The following FAM221A variants were observed in gnomAD, a reference collection of about 807,000 sequenced individuals.
FAM221A encodes the protein protein FAM221A.
In FAM221A, 43 loss-of-function variants were observed where a neutral mutation model predicts 37.6. That is an observed-to-expected ratio of 1.15 (90% CI 0.90 to 1.48). The LOEUF (loss-of-function observed/expected upper bound fraction) is 1.48, where lower values mean the gene tolerates loss of function less well. FAM221A is among the 40% of genes most tolerant of loss of function. The pLI is 0.00. For missense variants in FAM221A, 361 were observed against 361.5 expected, an observed-to-expected ratio of 1.00 and a Z score of 0.01; for synonymous variants, 135 against 132.9, an observed-to-expected ratio of 1.02 and a Z score of -0.11.
At chr7:23,693,634 C>T (rs1418120877) in intron 4 of FAM221A, 2 of 151,484 alleles carry the variant, frequency 1.3e-5, no homozygotes, top group African/African-American at 4.9e-5. Flanking sequence ...ACAGTCCTTT[C>T]CTATTTCAGT....
chr7:23,690,199 A>ATATATTTTTTT (rs774313037), intron 3 of FAM221A, among the ~76,000 whole-genome samples: 20 of 48,734 alleles, frequency 4.1e-4, no homozygotes, highest in African/African-American at 1.4e-3. Flanking sequence ...ATATATATAT[A>ATATATTTTTTT]TTTTTTTTTT....
chr7:23,691,265 G>A (rs1167180293), intron 3 of FAM221A, 125 bp from the exon 4 acceptor site: 2 of 773,164 alleles, frequency 2.6e-6, no homozygotes, highest in Non-Finnish European at 4.3e-6. Context: ...GGAGTTCGGT[G>A]GCTGGAGGTA....
chr7:23,700,733 A>C, intron 5 of FAM221A, 53 bp from the exon 6 acceptor site: 9 of 1,143,146 alleles, frequency 7.9e-6, no homozygotes, highest in Non-Finnish European at 9.9e-6. Context: ...CTTTTATTTC[A>C]GGGGAATATG....
rs775727807 is a variant in FAM221A, at chr7:23,690,929, A to G, written c.431-461A>G. ...AGCATGATGTTTTCATGATTCATCC[A>G]TGTAGCCTATATCAATACTTCTTTC... On this transcript the variant is annotated intron_variant, in intron 3 of 6. Coordinates refer to ENST00000344962, the MANE Select transcript of FAM221A (RefSeq NM_199136.5). Among the ~76,000 whole-genome samples, 156 of 152,308 alleles carry G rather than the reference A, an allele frequency of 1.0e-3. 1 individual carries two copies. The highest frequency in any genetic ancestry group is 5.8e-3 in the Admixed American group (89 of 15,294).
At chr7:23,692,596 C>T in intron 4 of FAM221A, 1 of 883,280 alleles carries the variant, frequency 1.1e-6, no homozygotes, top group Non-Finnish European at 1.4e-6. Flanking sequence ...CCTGCCTCAG[C>T]CTCCCAAAGT....
intron 6 of FAM221A, among the ~76,000 whole-genome samples, chr7:23,701,579 G>A (rs1785461181): frequency 6.6e-6 from 1 of 152,100 alleles, no homozygotes; most frequent in South Asian, 2.1e-4. Flanking sequence ...ATTCTTCTTA[G>A]AGGCTTTTAG....
At chr7:23,699,006 T>C (rs954335984) in intron 5 of FAM221A, among the ~76,000 whole-genome samples, 3 of 152,178 alleles carry the variant, frequency 2.0e-5, no homozygotes, top group African/African-American at 7.2e-5. Context: ...TGACTGAGTT[T>C]AGTGGCAGCC....
chr7:23,699,292 C>CTT (rs71552250), intron 5 of FAM221A, among the ~76,000 whole-genome samples: 5,610 of 150,090 alleles, frequency 0.037, 198 homozygotes, highest in African/African-American at 0.094. Context: ...ATTAAAAAAA[C>CTT]TTTTTTTTTG....
At chr7:23,698,929 C>T (rs1020723099) in intron 5 of FAM221A, among the ~76,000 whole-genome samples, 9 of 151,930 alleles carry the variant, frequency 5.9e-5, no homozygotes, top group African/African-American at 1.7e-4. Context: ...AAGTAAGAAG[C>T]CAAGAAAAGG....
At chr7:23,690,199 A>ATTTTTTTTTTTT (rs398004023) in intron 3 of FAM221A, among the ~76,000 whole-genome samples, 2 of 48,738 alleles carry the variant, frequency 4.1e-5, no homozygotes, top group Non-Finnish European at 7.2e-5. Flanking sequence ...ATATATATAT[A>ATTTTTTTTTTTT]TTTTTTTTTT....
intron 5 of FAM221A, among the ~76,000 whole-genome samples, 157 bp from the exon 6 acceptor site, chr7:23,700,629 A>G (rs1046806064): frequency 1.3e-5 from 2 of 152,220 alleles, no homozygotes; most frequent in African/African-American, 4.8e-5. Context: ...ATTCTCTCTA[A>G]AAGAGAATGA....
At position 23,691,447 on chromosome 7, in the gene FAM221A, A is replaced by T. The variant is rs753828449; in HGVS notation, c.488A>T (p.Tyr163Phe). Reference sequence around the variant, plus strand: ...ACTTGTGCTTGTGGTCAGCCTGCATATGCCCATGACACAGTAGTGGAAACT... The same window carrying T: ...ACTTGTGCTTGTGGTCAGCCTGCATTTGCCCATGACACAGTAGTGGAAACT... ...CFTCACGQPA[Y>F]AHDTVVETKQ... Residue 163 changes from tyrosine to phenylalanine, a missense_variant, in exon 4 of 7, where the codon TAT (tyrosine) becomes TTT (phenylalanine). Physicochemically the swap from Tyr to Phe is conservative, Grantham distance 22. Transcript: ENST00000344962. 6.2e-7 allele frequency: 1 copy of T among 1,614,250 alleles called. No homozygotes were observed. The highest frequency in any genetic ancestry group is 1.1e-5 in the South Asian group (1 of 91,092).
intron 5 of FAM221A, among the ~76,000 whole-genome samples, chr7:23,699,108 T>C (rs1270960083): frequency 6.7e-6 from 1 of 149,782 alleles, no homozygotes; most frequent in African/African-American, 2.5e-5. Context: ...GTTACACCAA[T>C]GCTGGAATTT....
intron 1 of FAM221A, chr7:23,680,927 G>A (rs1051014320): frequency 6.6e-6 from 1 of 152,240 alleles, no homozygotes; most frequent in African/African-American, 2.4e-5. Flanking sequence ...CGCGGAGTTG[G>A]GGCGGGAGGA....
At position 23,698,228 on chromosome 7, in the gene FAM221A, C is replaced by T. The variant is rs547578290; in HGVS notation, c.674C>T (p.Thr225Met). ...PSVEFLESPI[T>M]AVDSPFLKAF... is the part of the protein sequence containing the mutation. ...GTTGAATTTTTAGAATCTCCCATTA[C>T]GGCAGTAGACAGCCCATTCCTAAAA... is the stretch of plus-strand genomic sequence containing the variant. Residue 225 changes from threonine (T) to methionine (M), a missense_variant, in exon 5 of 7, where the codon ACG becomes ATG. Transcript: ENST00000344962. 67 of 1,595,718 alleles carry T rather than the reference C, an allele frequency of 4.2e-5. No homozygotes were observed. The highest frequency in any genetic ancestry group is 2.1e-4 in the Admixed American group (12 of 57,612).
At chr7:23,685,351 T>G (rs1784310001) in intron 2 of FAM221A, among the ~76,000 whole-genome samples, 1 of 152,186 alleles carries the variant, frequency 6.6e-6, no homozygotes, top group Non-Finnish European at 1.5e-5. Flanking sequence ...TAATTAAAAA[T>G]TTTCCATCAT....
Position 23,685,405 on chromosome 7 carries a change from C to A in FAM221A, c.239+733C>A, listed in dbSNP as rs565491739. On this transcript the variant is annotated intron_variant, in intron 2 of 6. Transcript: ENST00000344962. ...ATGGAGTCTGTCACCTTAAGCAGTT[C>A]TCTTGCCATTGGTAAAAATGTTTGG... Among the ~76,000 whole-genome samples the A allele has an allele frequency of 2.0e-5, 3 of 152,344 alleles. No homozygotes were observed. The East Asian group carries it at 5.8e-4, about 29-fold the overall frequency.
intron 1 of FAM221A, among the ~76,000 whole-genome samples, chr7:23,682,460 C>T (rs2128033135): frequency 2.1e-5 from 3 of 142,022 alleles, no homozygotes; most frequent in African/African-American, 2.6e-5. Flanking sequence ...TAGATAGAGT[C>T]TTGCTCTGCT....
intron 2 of FAM221A, among the ~76,000 whole-genome samples, chr7:23,686,083 C>T (rs2128037639): frequency 6.6e-6 from 1 of 152,128 alleles, no homozygotes; most frequent in South Asian, 2.1e-4. Context: ...TTTAGCAACT[C>T]CAACTAAAAA....
Sources: gnomAD v4.1 joint callset for allele counts (sites outside exome capture counted in the v4.1 genomes callset) on GRCh38, gnomAD v4.1.1 for gene constraint, MANE v1.5 for transcripts, NCBI Gene and HGNC (gene_info 2026-07-23, HGNC 2026-07-21) for gene names.